CBFA2T2: variants seen among roughly 807,000 people sequenced by gnomAD.
The protein encoded by CBFA2T2 is CBFA2/RUNX1 partner transcriptional co-repressor 2.
A neutral mutation model predicts 62.2 loss-of-function variants in CBFA2T2; 11 were observed. That is an observed-to-expected ratio of 0.18 (90% CI 0.11 to 0.29). The LOEUF is 0.29. Among genes scored for constraint, CBFA2T2 ranks in the 10% least tolerant of loss-of-function variants. The pLI, the probability that CBFA2T2 is intolerant of heterozygous loss-of-function variation, is 1.00. For synonymous variants in CBFA2T2, 295 were observed against 287.5 expected (o/e 1.03, Z -0.27); for missense variants, 592 against 774.1 (o/e 0.76, Z 2.79).
intron 8 of CBFA2T2, among the ~76,000 whole-genome samples, chr20:33,635,446 CA>C: frequency 6.6e-6 from 1 of 152,314 alleles, no homozygotes; most frequent in East Asian, 1.9e-4. Flanking sequence ...GCATTAGTGG[CA>C]AAGCAGGCCT....
intron 1 of CBFA2T2, among the ~76,000 whole-genome samples, chr20:33,593,268 GT>G (rs1364375924): frequency 6.6e-6 from 1 of 151,936 alleles, no homozygotes; most frequent in East Asian, 1.9e-4. Context: ...GGAGGCAAAG[GT>G]TGCAGTGAGC....
At chr20:33,618,163 A>G (rs1237042692) in intron 3 of CBFA2T2, among the ~76,000 whole-genome samples, 1 of 147,142 alleles carries the variant, frequency 6.8e-6, no homozygotes, top group African/African-American at 2.5e-5. Flanking sequence ...TGGTAGATCT[A>G]TATATTTTCC....
chr20:33,585,044 T>A (rs1290650616), intron 1 of CBFA2T2, among the ~76,000 whole-genome samples: 1 of 152,172 alleles, frequency 6.6e-6, no homozygotes, highest in African/African-American at 2.4e-5. Flanking sequence ...TTGTTTTTTT[T>A]CTGTCATGCT....
intron 1 of CBFA2T2, chr20:33,600,402 C>T (rs768967574): frequency 5.8e-5 from 19 of 325,694 alleles, no homozygotes; most frequent in Non-Finnish European, 9.9e-5. Context: ...TGGCCAGGCT[C>T]GTCTTGAACT....
At chr20:33,598,426 G>T (rs2014981364) in intron 1 of CBFA2T2, among the ~76,000 whole-genome samples, 1 of 152,164 alleles carries the variant, frequency 6.6e-6, no homozygotes, top group Non-Finnish European at 1.5e-5. Flanking sequence ...AAAGAATTCA[G>T]TGATATTTCT....
intron 1 of CBFA2T2, among the ~76,000 whole-genome samples, chr20:33,515,277 G>A (rs1436184665): frequency 6.7e-6 from 1 of 150,304 alleles, no homozygotes; most frequent in Non-Finnish European, 1.5e-5. Flanking sequence ...CTTGAAACCT[G>A]GAGGTGGAGG....
chr20:33,559,378 T>TG lies in CBFA2T2; in HGVS notation c.35-47576dup, dbSNP rs551310298. 1.5e-3 allele frequency among the ~76,000 whole-genome samples: 222 copies of TG among 152,192 alleles called. 1 individual carries two copies. The highest frequency in any genetic ancestry group is 4.9e-3 in the African/African-American group (205 of 41,506). ...TAGTAGAGAGAGAGTTTCACTATCT[T>TG]GGCCAGGCTGGTCTGGAACTCCTGA... On this transcript the variant is annotated intron_variant, in intron 1 of 10. Coordinates refer to ENST00000342704, the MANE Select transcript of CBFA2T2 (RefSeq NM_001032999.3).
intron 3 of CBFA2T2, 28 bp downstream of exon 3, chr20:33,611,363 G>A (rs1299678447): frequency 6.2e-7 from 1 of 1,608,268 alleles, no homozygotes; most frequent in Non-Finnish European, 8.5e-7. Context: ...GTTGTTCTCA[G>A]CTGCCTGAGT....
In CBFA2T2 at chr20:33,648,921, T is replaced by A. The variant is rs1390881204; in HGVS notation, c.*4275T>A. The A allele has an allele frequency of 1.3e-5, 2 of 152,074 alleles. No individual in the cohort carries two copies. The highest frequency in any genetic ancestry group is 2.9e-5 in the Non-Finnish European group (2 of 68,032). 9.4% of individuals were successfully genotyped at this position (152,074 alleles called of 1,614,324 possible). ...CACCTGCTTGCAAAGGGTATAGACATCATTCTGGGTAGTTCTAGAGGATAT... is the reference window on the plus strand; with the variant it reads ...CACCTGCTTGCAAAGGGTATAGACAACATTCTGGGTAGTTCTAGAGGATAT... On this transcript the variant is annotated 3_prime_UTR_variant, in exon 11 of 11. Coordinates refer to ENST00000342704, the MANE Select transcript of CBFA2T2 (RefSeq NM_001032999.3).
chr20:33,646,302 T>G lies in CBFA2T2; in HGVS notation c.*1656T>G, dbSNP rs1420774434. 6.6e-6 allele frequency: 1 copy of G among 152,202 alleles called. No homozygotes were observed. Among genetic ancestry groups the G allele is most frequent in the Non-Finnish European group, 1.5e-5 (1 of 68,102 alleles). 9.4% of individuals were successfully genotyped at this position (152,202 alleles called of 1,614,324 possible). ...AGCGTGAGCCACCATGCCCGGCCTG[T>G]CTTTTTGGTTTTGATGGGAGTCTGA... On this transcript the variant is annotated 3_prime_UTR_variant, in exon 11 of 11. Coordinates refer to ENST00000342704, the MANE Select transcript of CBFA2T2 (RefSeq NM_001032999.3).
At chr20:33,600,555 G>C in intron 1 of CBFA2T2, 1 of 335,108 alleles carries the variant, frequency 3.0e-6, no homozygotes, top group Middle Eastern at 3.9e-4. Flanking sequence ...TGATTGAAGA[G>C]AGGCTATGGT....
intron 1 of CBFA2T2, chr20:33,600,358 A>G (rs768961144): frequency 3.3e-5 from 8 of 239,504 alleles, no homozygotes; most frequent in South Asian, 2.8e-4. Context: ...TGCCCAGCTA[A>G]TTTTTGTTTA....
intron 1 of CBFA2T2, among the ~76,000 whole-genome samples, chr20:33,577,720 G>A (rs2013893931): frequency 6.6e-6 from 1 of 152,110 alleles, no homozygotes; most frequent in South Asian, 2.1e-4. Context: ...GGTCTCTGGA[G>A]CTCAGCAGAG....
At chr20:33,590,426 GT>G (rs907117682) in intron 1 of CBFA2T2, among the ~76,000 whole-genome samples, 1 of 146,806 alleles carries the variant, frequency 6.8e-6, no homozygotes, top group South Asian at 2.1e-4. Flanking sequence ...ATCTAGCTTT[GT>G]TTTTTTTTCT....
At position 33,643,857 on chromosome 20, in the gene CBFA2T2, G is replaced by A. The variant is rs974046378; in HGVS notation, c.1489-490G>A. ...TGTGTGTGTGTGTGTGTGTGTGTGTGTGTATATAATGTATAATTACAAAAA... is the reference window on the plus strand; with the variant it reads ...TGTGTGTGTGTGTGTGTGTGTGTGTATGTATATAATGTATAATTACAAAAA... On this transcript the variant is annotated intron_variant, in intron 10 of 10. Coordinates refer to ENST00000342704, the MANE Select transcript of CBFA2T2 (RefSeq NM_001032999.3). Among the ~76,000 whole-genome samples the A allele has an allele frequency of 1.3e-3, 151 of 112,720 alleles. 3 individuals are homozygous for A. Among genetic ancestry groups the A allele is most frequent in the Middle Eastern group, 5.8e-3 (1 of 172 alleles). The allele number at this position is 112,720 out of a possible 152,430, so 73.9% of individuals were successfully genotyped here.
At chr20:33,495,612 A>G (rs1269977325) in intron 1 of CBFA2T2, among the ~76,000 whole-genome samples, 1 of 152,072 alleles carries the variant, frequency 6.6e-6, no homozygotes, top group Non-Finnish European at 1.5e-5. Flanking sequence ...GAATTGCTTG[A>G]AAGAAACTGC....
chr20:33,500,826 A>C (rs138836670), intron 1 of CBFA2T2, among the ~76,000 whole-genome samples: 1 of 152,330 alleles, frequency 6.6e-6, no homozygotes, highest in East Asian at 1.9e-4. Context: ...GAGATGAATT[A>C]AAAAAATAAA....
At chr20:33,640,231 G>C (rs545012806) in intron 9 of CBFA2T2, 110 bp from the exon 10 acceptor site, 1 of 973,216 alleles carries the variant, frequency 1.0e-6, no homozygotes, top group Admixed American at 2.5e-5. Context: ...CCTCCCTGTG[G>C]AGTTTTAGAA....
At chr20:33,621,844 T>C (rs1025580734) in intron 4 of CBFA2T2, among the ~76,000 whole-genome samples, 6 of 152,202 alleles carry the variant, frequency 3.9e-5, no homozygotes, top group Non-Finnish European at 7.3e-5. Context: ...TCTAATGGCA[T>C]TGAAGCCTCG....
Sources: allele counts gnomAD v4.1 joint callset (sites outside exome capture counted in the v4.1 genomes callset), GRCh38; gene constraint gnomAD v4.1.1; transcripts MANE v1.5; gene names NCBI Gene and HGNC (gene_info 2026-07-23, HGNC 2026-07-21).